Variants in TIAM1 observed in about 807,000 individuals in gnomAD.
TIAM1 encodes the protein TIAM Rac1 associated GEF 1.
A neutral mutation model predicts 163.5 loss-of-function variants in TIAM1; 65 were observed. That is an observed-to-expected ratio of 0.40 (90% confidence interval 0.33 to 0.49). The LOEUF (loss-of-function observed/expected upper bound fraction) is 0.49, where lower values mean the gene tolerates loss of function less well. TIAM1 is among the 20% of genes least tolerant of loss of function. The pLI, the probability that TIAM1 is intolerant of heterozygous loss-of-function variation, is 0.77. For synonymous variants in TIAM1, 833 were observed against 810.1 expected, an observed-to-expected ratio of 1.03 and a Z score of -0.48; for missense variants, 1,789 against 2,044.7, an observed-to-expected ratio of 0.87 and a Z score of 2.41.
chr21:31,529,254 G>C (rs572212298), intron 1 of TIAM1, among the ~76,000 whole-genome samples: 2 of 152,050 alleles, frequency 1.3e-5, no homozygotes, highest in African/African-American at 4.8e-5. Context: ...AGATACTTGA[G>C]TCCAATGGGG....
intron 1 of TIAM1, among the ~76,000 whole-genome samples, chr21:31,517,048 C>CAAAAAAAAA (rs747446437): frequency 3.1e-5 from 2 of 65,380 alleles, no homozygotes; most frequent in East Asian, 4.2e-4. Context: ...GACTCTGTCT[C>CAAAAAAAAA]AAAAAAAAAA....
At chr21:31,330,931 G>A (rs1440344677) in intron 2 of TIAM1, among the ~76,000 whole-genome samples, 1 of 151,530 alleles carries the variant, frequency 6.6e-6, no homozygotes. Context: ...CACTTCAGAT[G>A]GATTTATAAA....
intron 2 of TIAM1, among the ~76,000 whole-genome samples, chr21:31,315,679 C>CAAAAAAAAAAAAAAAAAAAAAAAAAAA (rs58560437): frequency 6.2e-5 from 5 of 80,250 alleles, no homozygotes; most frequent in African/African-American, 1.3e-4. Flanking sequence ...AACTCCATCT[C>CAAAAAAAAAAAAAAAAAAAAAAAAAAA]AAAAAAAAAA....
rs547712779 is a variant in TIAM1 at position 31,548,508 on chromosome 21, G to T, written c.-422+10419C>A. ...TGTTGTTGTTTTTTTTTTTTTTTGA[G>T]ACGAGAGCCTCGTTCTGTCACTCAG... On this transcript the variant is annotated intron_variant, in intron 1 of 28. Coordinates refer to the TIAM1 transcript ENST00000286827. 2.6e-3 allele frequency among the ~76,000 whole-genome samples: 364 copies of T among 138,650 alleles called. 1 individual carries two copies. The highest frequency in any genetic ancestry group is 4.3e-3 in the Non-Finnish European group (280 of 64,488). The allele number at this position is 138,650 out of a possible 152,430, so 91.0% of individuals were successfully genotyped here.
rs1304444140 is a variant in TIAM1, at chr21:31,209,373, G to T, written c.2388+672C>A. Among the ~76,000 whole-genome samples, 4 of 152,148 alleles carry T rather than the reference G, an allele frequency of 2.6e-5. No homozygotes were observed. In the East Asian group the frequency reaches 7.7e-4, roughly 29 times the overall value. The stretch of plus-strand genomic sequence containing the variant: ...CCATTCACCTGGCTGCCCTTCACGG[G>T]GAAAAATGAAACCAGGTTCACTTTG... On this transcript the variant is annotated intron_variant, in intron 11 of 27. Coordinates refer to ENST00000541036, the MANE Select transcript of TIAM1 (RefSeq NM_001353694.2).
intron 1 of TIAM1, among the ~76,000 whole-genome samples, chr21:31,496,757 C>G (rs1161567067): frequency 6.6e-6 from 1 of 152,162 alleles, no homozygotes; most frequent in Non-Finnish European, 1.5e-5. Context: ...GCAAGCTCCA[C>G]TCATGGCAAG....
At chr21:31,259,125 TC>T (rs149458591) in intron 4 of TIAM1, among the ~76,000 whole-genome samples, 73,340 of 130,170 alleles carry the variant, frequency 0.56, 18,157 homozygotes, top group East Asian at 0.8. Flanking sequence ...AATGTGATCT[TC>T]TTTTTTTTTT....
rs183854044 is a variant in TIAM1, at chr21:31,183,489, T to C, written c.2663-844A>G. On this transcript the variant is annotated intron_variant, in intron 14 of 27. Transcript: ENST00000541036. ...AAAAGGAGCCCAATTTCTAATTTTATACACCAATATGGAAAAACCAACTTG... is the reference window on the plus strand; with the variant it reads ...AAAAGGAGCCCAATTTCTAATTTTACACACCAATATGGAAAAACCAACTTG... Among the ~76,000 whole-genome samples, 37 of 152,212 alleles carry C rather than the reference T, an allele frequency of 2.4e-4. No homozygotes were observed. The East Asian group carries it at 6.4e-3, about 26-fold the overall frequency.
At position 31,266,104 on chromosome 21, in the gene TIAM1, G is replaced by C. The variant is rs1248658124; in HGVS notation, c.869C>G (p.Pro290Arg). ...TPPYSNYNTL[P>R]CRKSHCLSEG... ...AGAGAGACAGTGAGATTTCCTACAG[G>C]GAAGTGTGTTATAATTACTGTACGG... Residue 290 changes from proline (P) to arginine (R), a missense_variant, in exon 4 of 28, where the codon CCC becomes CGC. Around this residue, in one of 5 missense-constraint regions of TIAM1, gnomAD observed 555 missense variants for 564.9 expected, o/e 0.98. Coordinates refer to ENST00000541036, the MANE Select transcript of TIAM1 (RefSeq NM_001353694.2). 1 of 1,614,214 alleles carries C rather than the reference G, an allele frequency of 6.2e-7. No individual in the cohort carries two copies. The highest frequency in any genetic ancestry group is 8.5e-7 in the Non-Finnish European group (1 of 1,180,046).
intron 2 of TIAM1, among the ~76,000 whole-genome samples, chr21:31,278,516 G>A (rs1449641498): frequency 6.6e-6 from 1 of 152,214 alleles, no homozygotes; most frequent in Non-Finnish European, 1.5e-5. Context: ...CCCGCTGCTG[G>A]TGGTTTCAGC....
intron 6 of TIAM1, among the ~76,000 whole-genome samples, chr21:31,234,360 G>GGGGA (rs2088621402): frequency 7.3e-6 from 1 of 137,886 alleles, no homozygotes; most frequent in African/African-American, 3.2e-5. Context: ...GAGAGGAGGT[G>GGGGA]GGGAAGGAAG....
intron 13 of TIAM1, 117 bp from the exon 14 acceptor site, chr21:31,187,204 T>C (rs1054503090): frequency 2.1e-6 from 2 of 930,622 alleles, no homozygotes; most frequent in Admixed American, 2.1e-5. Flanking sequence ...TAGTTTGGAC[T>C]GATTGTTTTT....
intron 16 of TIAM1, among the ~76,000 whole-genome samples, chr21:31,159,333 G>C (rs2083784798): frequency 6.6e-6 from 1 of 152,076 alleles, no homozygotes; most frequent in Non-Finnish European, 1.5e-5. Context: ...AAGATGAAAA[G>C]AAAGTACAAA....
At chr21:31,264,744 T>C (rs2072661793) in intron 4 of TIAM1, among the ~76,000 whole-genome samples, 1 of 152,184 alleles carries the variant, frequency 6.6e-6, no homozygotes. Context: ...AAATGCCCAT[T>C]TGACTTGCAC....
Position 31,146,762 on chromosome 21 carries a change from A to G in TIAM1, c.3475+133T>C, listed in dbSNP as rs957147218. On this transcript the variant is annotated intron_variant, in intron 20 of 27. Transcript: ENST00000541036. Reference sequence around the variant, plus strand: ...GAATACATTACATTGCTCAGCACCCATATCAGTGGCTTGCTGGAACATCTA... The same window carrying G: ...GAATACATTACATTGCTCAGCACCCGTATCAGTGGCTTGCTGGAACATCTA... 1.2e-5 allele frequency: 8 copies of G among 666,716 alleles called. No homozygotes were observed. In the Admixed American group the frequency reaches 1.5e-4, roughly 12 times the overall value. The allele number at this position is 666,716 out of a possible 1,614,324, so 41.3% of individuals were successfully genotyped here.
chr21:31,434,366 A>G (rs2044140916), intron 2 of TIAM1, among the ~76,000 whole-genome samples: 1 of 152,198 alleles, frequency 6.6e-6, no homozygotes, highest in Admixed American at 6.5e-5. Context: ...CCCGGCTGCT[A>G]GGCCTTAGCA....
chr21:31,141,674 G>A lies in TIAM1; in HGVS notation c.3476-170C>T, dbSNP rs943899842. 6.6e-6 allele frequency among the ~76,000 whole-genome samples: 1 copy of A among 152,002 alleles called. No homozygotes were observed. The highest frequency in any genetic ancestry group is 6.5e-5 in the Admixed American group (1 of 15,268). The stretch of plus-strand genomic sequence containing the variant: ...GAGGGGGCAGTCAGGGAGACCACAG[G>A]CAGTCAGATCTATGTATTTATGTGT... On this transcript the variant is annotated intron_variant, in intron 20 of 27. Transcript: ENST00000541036. This position sits in a 1 kb window ranked among gnomAD's most constrained non-coding sequence, Gnocchi z 4.7.
chr21:31,391,708 A>G (rs1681588346), intron 2 of TIAM1, among the ~76,000 whole-genome samples: 1 of 152,216 alleles, frequency 6.6e-6, no homozygotes, highest in African/African-American at 2.4e-5. Context: ...ACCTGGACTT[A>G]CAACTTTTAC....
At chr21:31,251,283 G>A (rs2071791474) in intron 5 of TIAM1, among the ~76,000 whole-genome samples, 1 of 152,194 alleles carries the variant, frequency 6.6e-6, no homozygotes, top group Admixed American at 6.5e-5. Flanking sequence ...ATTTGCAGGG[G>A]TGGGGATGGG....
Sources: allele counts gnomAD v4.1 joint callset (sites outside exome capture counted in the v4.1 genomes callset), GRCh38; gene constraint gnomAD v4.1.1; regional missense constraint gnomAD v4.1.1; non-coding constraint Gnocchi (gnomAD v3.1); transcripts MANE v1.5; gene names NCBI Gene and HGNC (gene_info 2026-07-23, HGNC 2026-07-21).